Variants in UCN3 observed in about 807,000 individuals in gnomAD.
UCN3 encodes the protein urocortin 3, also known as urocortin-3.
UCN3 carries 3 observed loss-of-function variants against 3.6 expected under a neutral mutation model. The observed-to-expected ratio is 0.83, with a 90% CI of 0.38 to 2.15. UCN3 has a LOEUF of 2.15. Among genes scored for constraint, UCN3 ranks in the 30% most tolerant of loss-of-function variants. The probability of loss-of-function intolerance (pLI) is 0.06; values close to 1 mark genes in which losing one functional copy is unlikely to be tolerated. For missense variants in UCN3, 206 were observed against 208.3 expected (o/e 0.99, Z 0.07); for synonymous variants, 100 against 93.2 (o/e 1.07, Z -0.42).
rs1311175612 is a variant in UCN3 at position 5,370,645 on chromosome 10, ATGTGTGTGTATG to A, written c.-6-3062_-6-3051del. ...TATATGCGTGTGTATGTGTGTGTATATGTGTGTGTATGTGTGTGTATGTGTGTGTATGTGTGT... is the reference window on the plus strand; with the variant it reads ...TATATGCGTGTGTATGTGTGTGTATATGTGTGTATGTGTGTGTATGTGTGT... On this transcript the variant is annotated intron_variant, in intron 1 of 1. Coordinates refer to ENST00000380433, the MANE Select transcript of UCN3 (RefSeq NM_053049.4). Among the ~76,000 whole-genome samples, 5 of 43,672 alleles carry A rather than the reference ATGTGTGTGTATG, an allele frequency of 1.1e-4. 1 individual carries two copies. Among genetic ancestry groups the A allele is most frequent in the Non-Finnish European group, 1.5e-4 (4 of 25,946 alleles). 28.7% of individuals were successfully genotyped at this position (43,672 alleles called of 152,430 possible). A position where few individuals can be genotyped will look rare whatever the true frequency, so the allele number is the denominator to read the frequency against.
chr10:5,369,343 A>G (rs1193798916), intron 1 of UCN3, among the ~76,000 whole-genome samples: 8 of 152,166 alleles, frequency 5.3e-5, no homozygotes, highest in Non-Finnish European at 1.0e-4. Context: ...AGACCTGGAG[A>G]TTATTCAGGT....
rs782395098 is a variant in UCN3 at position 5,366,643 on chromosome 10, C to T, written c.-7+1413C>T. Among the ~76,000 whole-genome samples, 5 of 152,198 alleles carry T rather than the reference C, an allele frequency of 3.3e-5. No individual in the cohort carries two copies. The highest frequency in any genetic ancestry group is 2.9e-5 in the Non-Finnish European group (2 of 68,040). On this transcript the variant is annotated intron_variant, in intron 1 of 1. Transcript: ENST00000380433. This position sits in a 1 kb window ranked among gnomAD's most constrained non-coding sequence, Gnocchi z 4.2. ...CTACCTTCCAGCCCCCAGCCACTCA[C>T]ACACTTTGATGGTGAAACCATCCAG... is the stretch of plus-strand genomic sequence containing the variant.
In UCN3 at chr10:5,366,556, T is replaced by C. The variant is rs1834119740; in HGVS notation, c.-7+1326T>C. On this transcript the variant is annotated intron_variant, in intron 1 of 1. Transcript: ENST00000380433. This position sits in a 1 kb window ranked among gnomAD's most constrained non-coding sequence, Gnocchi z 4.2. Reference sequence around the variant, plus strand: ...GGGGAGAGTTCCTTTTCTTTTATCCTATAAACCCTAAACAAATCTAAACAG... The same window carrying C: ...GGGGAGAGTTCCTTTTCTTTTATCCCATAAACCCTAAACAAATCTAAACAG... Among the ~76,000 whole-genome samples, 1 of 152,176 alleles carries C rather than the reference T, an allele frequency of 6.6e-6. No homozygotes were observed.
At position 5,374,502 on chromosome 10, in the gene UCN3, A is replaced by G. The variant is rs1247510651; in HGVS notation, c.*296A>G. Reference sequence around the variant, plus strand: ...GTCTCCTTCCTCCCTCCCCACAGCAAGAGGCAAAGTTCATGCATTCCTCCT... The same window carrying G: ...GTCTCCTTCCTCCCTCCCCACAGCAGGAGGCAAAGTTCATGCATTCCTCCT... On this transcript the variant is annotated 3_prime_UTR_variant, in exon 2 of 2. Transcript: ENST00000380433. The G allele has an allele frequency of 9.2e-6, 3 of 327,856 alleles. No individual in the cohort carries two copies. Among genetic ancestry groups the G allele is most frequent in the Non-Finnish European group, 1.7e-5 (3 of 173,942 alleles). 20.3% of individuals were successfully genotyped at this position (327,856 alleles called of 1,614,324 possible). A position where few individuals can be genotyped will look rare whatever the true frequency, so the allele number is the denominator to read the frequency against.
chr10:5,365,392 A>T lies in UCN3; in HGVS notation c.-7+162A>T, dbSNP rs1834106319. Among the ~76,000 whole-genome samples, 1 of 152,236 alleles carries T rather than the reference A, an allele frequency of 6.6e-6. No homozygotes were observed. ...TGAACGCCCCCCACCCAATCAGCAGAAATCAGCCCCAAAGGGACCAGGGGA... is the reference window on the plus strand; with the variant it reads ...TGAACGCCCCCCACCCAATCAGCAGTAATCAGCCCCAAAGGGACCAGGGGA... On this transcript the variant is annotated intron_variant, in intron 1 of 1. Coordinates refer to ENST00000380433, the MANE Select transcript of UCN3 (RefSeq NM_053049.4). This position sits in a 1 kb window ranked among gnomAD's most constrained non-coding sequence, Gnocchi z 4.4.
rs1396213647 is a variant in UCN3, at chr10:5,367,147, ACT to A, written c.-7+1918_-7+1919del. ...TTGTAACTGAGATGAGACAGGTAGC[ACT>A]TCCAGGGAACACATCCAGAGGCTAG... On this transcript the variant is annotated intron_variant, in intron 1 of 1. Transcript: ENST00000380433. The surrounding 1 kb of genome is among the most constrained non-coding windows in gnomAD (Gnocchi z 4.3). Among the ~76,000 whole-genome samples, 1 of 152,242 alleles carries A rather than the reference ACT, an allele frequency of 6.6e-6. No individual in the cohort carries two copies. The highest frequency in any genetic ancestry group is 1.5e-5 in the Non-Finnish European group (1 of 68,036).
intron 1 of UCN3, among the ~76,000 whole-genome samples, chr10:5,368,806 TG>T (rs1353528216): frequency 6.6e-6 from 1 of 152,150 alleles, no homozygotes; most frequent in African/African-American, 2.4e-5. Flanking sequence ...GTCTGCCTAT[TG>T]AATGCAACAT....
At chr10:5,370,313 G>A (rs1418743127) in intron 1 of UCN3, among the ~76,000 whole-genome samples, 1 of 36,054 alleles carries the variant, frequency 2.8e-5, no homozygotes, top group African/African-American at 1.5e-4. Context: ...GTATATGCGT[G>A]TATGTGTGTG....
At chr10:5,368,814 A>T (rs1344348455) in intron 1 of UCN3, among the ~76,000 whole-genome samples, 1 of 152,176 alleles carries the variant, frequency 6.6e-6, no homozygotes, top group African/African-American at 2.4e-5. Context: ...ATTGAATGCA[A>T]CATTTAAGGA....
At chr10:5,371,796 CTTAT>C (rs1352098449) in intron 1 of UCN3, among the ~76,000 whole-genome samples, 1 of 152,204 alleles carries the variant, frequency 6.6e-6, no homozygotes, top group Admixed American at 6.5e-5. Flanking sequence ...CCCAATTGTT[CTTAT>C]TTATTTTGAA....
At chr10:5,368,639 G>T (rs1260261455) in intron 1 of UCN3, among the ~76,000 whole-genome samples, 1 of 152,098 alleles carries the variant, frequency 6.6e-6, no homozygotes, top group Non-Finnish European at 1.5e-5. Context: ...TTCCAAATTG[G>T]TTTTTGTTTT....
intron 1 of UCN3, among the ~76,000 whole-genome samples, chr10:5,370,412 T>C (rs797033075): frequency 1.6e-4 from 8 of 51,596 alleles, no homozygotes; most frequent in East Asian, 9.0e-4. Context: ...TGTGTATATG[T>C]GTGTGTGTAT....
At chr10:5,370,093 GTGTATATGCGTGTGTATA>G (rs1831336878) in intron 1 of UCN3, among the ~76,000 whole-genome samples, 1 of 116,792 alleles carries the variant, frequency 8.6e-6, no homozygotes. Context: ...GTATATGCGT[GTGTATATGCGTGTGTATA>G]TGTGTGTGTA....
intron 1 of UCN3, among the ~76,000 whole-genome samples, chr10:5,370,645 A>G (rs142514932): frequency 0.064 from 2,779 of 43,544 alleles, 399 homozygotes; most frequent in South Asian, 0.12. Flanking sequence ...GTGTGTGTAT[A>G]TGTGTGTGTA....
chr10:5,371,763 C>T (rs1045498059), intron 1 of UCN3, among the ~76,000 whole-genome samples: 5 of 152,158 alleles, frequency 3.3e-5, no homozygotes, highest in Non-Finnish European at 5.9e-5. Flanking sequence ...AAGGCCCAGG[C>T]GAATCACCAG....
At chr10:5,373,259 G>GAT (rs1355280148) in intron 1 of UCN3, among the ~76,000 whole-genome samples, 3 of 152,134 alleles carry the variant, frequency 2.0e-5, no homozygotes, top group Non-Finnish European at 4.4e-5. Context: ...AAGCAACAGG[G>GAT]ATATATTCAG....
At chr10:5,370,920 CGT>C (rs200495765) in intron 1 of UCN3, among the ~76,000 whole-genome samples, 1 of 109,846 alleles carries the variant, frequency 9.1e-6, no homozygotes, top group Non-Finnish European at 1.9e-5. Context: ...TGTGTATATG[CGT>C]GTGTATATGT....
chr10:5,371,149 A>C (rs1831420476), intron 1 of UCN3, among the ~76,000 whole-genome samples: 1 of 149,814 alleles, frequency 6.7e-6, no homozygotes. Context: ...ATATGTGTGC[A>C]TGTATATGTG....
At chr10:5,370,874 TGTGTATATGC>T (rs1564443738) in intron 1 of UCN3, among the ~76,000 whole-genome samples, 1 of 128,106 alleles carries the variant, frequency 7.8e-6, no homozygotes, top group Non-Finnish European at 1.7e-5. Context: ...TGTGTATGTG[TGTGTATATGC>T]GTGTGTATAT....
Sources: gnomAD v4.1 joint callset for allele counts (sites outside exome capture counted in the v4.1 genomes callset) on GRCh38, gnomAD v4.1.1 for gene constraint, Gnocchi (gnomAD v3.1) non-coding constraint, MANE v1.5 for transcripts, NCBI Gene and HGNC (gene_info 2026-07-23, HGNC 2026-07-21) for gene names.